NAA35: variants seen among roughly 807,000 people sequenced by gnomAD.
NAA35 encodes the protein N-alpha-acetyltransferase 35, NatC auxiliary subunit.
A neutral mutation model predicts 101.7 loss-of-function variants in NAA35; 18 were observed. The observed-to-expected ratio is 0.18, with a 90% confidence interval of 0.12 to 0.26. The LOEUF is 0.26. Among genes scored for constraint, NAA35 ranks in the 10% least tolerant of loss-of-function variants. The pLI is 1.00. For synonymous variants in NAA35, 267 were observed against 273.1 expected (o/e 0.98, Z 0.22); for missense variants, 601 against 886.8 (o/e 0.68, Z 4.09).
intron 6 of NAA35, among the ~76,000 whole-genome samples, chr9:85,968,953 T>G (rs1829879112): frequency 6.6e-6 from 1 of 152,224 alleles, no homozygotes; most frequent in African/African-American, 2.4e-5. Flanking sequence ...CTTAGTTTTC[T>G]ATGTACTTCT....
chr9:86,020,336 G>T (rs1832463809), intron 21 of NAA35, among the ~76,000 whole-genome samples: 1 of 152,128 alleles, frequency 6.6e-6, no homozygotes, highest in South Asian at 2.1e-4. Context: ...AGATGAGTCT[G>T]TGCTCCTAAT....
chr9:86,022,255 A>T lies in NAA35; in HGVS notation c.*295A>T, dbSNP rs1832597462. ...CATTTTTTATGAATGATTGAGTGAA[A>T]ATAGTGTTTATAAAGGTTAATAAAT... On this transcript the variant is annotated 3_prime_UTR_variant, in exon 23 of 23. Coordinates refer to ENST00000361671, the MANE Select transcript of NAA35 (RefSeq NM_024635.4). The T allele has an allele frequency of 4.1e-6, 1 of 245,792 alleles. No homozygotes were observed. The allele number at this position is 245,792 out of a possible 1,614,324, so 15.2% of individuals were successfully genotyped here.
chr9:86,014,296 G>GAGC (rs1832094336), intron 17 of NAA35: 2 of 664,992 alleles, frequency 3.0e-6, no homozygotes, highest in Admixed American at 1.3e-4. Context: ...TGATCACTGG[G>GAGC]AGCATAACTG....
At chr9:85,941,420 C>G in intron 1 of NAA35, 147 bp downstream of exon 1, 1 of 985,350 alleles carries the variant, frequency 1.0e-6, no homozygotes, top group Non-Finnish European at 1.2e-6. Flanking sequence ...GAGCGGCGGG[C>G]TCCCCAGTGC....
At chr9:85,951,107 C>T (rs555180712) in intron 2 of NAA35, among the ~76,000 whole-genome samples, 109 of 148,858 alleles carry the variant, frequency 7.3e-4, no homozygotes, top group Non-Finnish European at 1.2e-3. Flanking sequence ...CACTGCACTC[C>T]AGCCGGGGCG....
chr9:85,989,612 A>G (rs555706337), intron 11 of NAA35, among the ~76,000 whole-genome samples: 2 of 152,232 alleles, frequency 1.3e-5, no homozygotes, highest in African/African-American at 4.8e-5. Flanking sequence ...ATATTTTTCC[A>G]AAGACCTTTT....
At chr9:85,980,853 G>C (rs2118092069) in intron 11 of NAA35, among the ~76,000 whole-genome samples, 1 of 152,078 alleles carries the variant, frequency 6.6e-6, no homozygotes, top group South Asian at 2.1e-4. Context: ...CAACGACTTG[G>C]CCATTCCAGT....
chr9:85,951,461 G>C (rs1320279325), intron 2 of NAA35, among the ~76,000 whole-genome samples: 1 of 152,190 alleles, frequency 6.6e-6, no homozygotes, highest in Non-Finnish European at 1.5e-5. Context: ...ACAGGTGGTA[G>C]TTTCTTAAAG....
rs370682156 is a variant in NAA35, at chr9:86,016,683, G to C, written c.1705+8G>C. The C allele has an allele frequency of 6.2e-7, 1 of 1,608,036 alleles. No individual in the cohort carries two copies. The highest frequency in any genetic ancestry group is 1.3e-5 in the African/African-American group (1 of 74,710). On this transcript the variant is annotated splice_region_variant and intron_variant, in intron 18 of 22. Coordinates refer to ENST00000361671, the MANE Select transcript of NAA35 (RefSeq NM_024635.4). The stretch of plus-strand genomic sequence containing the variant: ...CAAAGAAAAAAAAGAAAGGTGCTGT[G>C]GATTATTTTTAAACTTAAGAACAGA...
At chr9:85,982,823 CAGGGAA>C (rs1184802392) in intron 11 of NAA35, among the ~76,000 whole-genome samples, 1 of 151,956 alleles carries the variant, frequency 6.6e-6, no homozygotes, top group Non-Finnish European at 1.5e-5. Flanking sequence ...ATGAAAAAGA[CAGGGAA>C]AGGAGAAAAT....
intron 11 of NAA35, among the ~76,000 whole-genome samples, chr9:85,982,445 AATG>A: frequency 6.6e-6 from 1 of 152,188 alleles, no homozygotes; most frequent in Admixed American, 6.6e-5. Context: ...CATCCTTTAA[AATG>A]ATGTTCACAT....
chr9:85,969,050 T>G (rs1345714180), intron 6 of NAA35, among the ~76,000 whole-genome samples: 5 of 152,186 alleles, frequency 3.3e-5, no homozygotes, highest in Non-Finnish European at 7.3e-5. Flanking sequence ...TCTTGAAGTC[T>G]TGTTCTCCAG....
intron 2 of NAA35, among the ~76,000 whole-genome samples, chr9:85,951,689 T>C (rs1829024964): frequency 1.3e-5 from 2 of 152,206 alleles, no homozygotes; most frequent in African/African-American, 4.8e-5. Flanking sequence ...ATAGTCTTGC[T>C]CTGTCACCCA....
chr9:85,988,687 T>C (rs1293242010), intron 11 of NAA35, among the ~76,000 whole-genome samples: 1 of 151,904 alleles, frequency 6.6e-6, no homozygotes, highest in East Asian at 1.9e-4. Context: ...TCCCAGCTAC[T>C]CAGGAGGCTG....
chr9:85,945,317 T>A (rs1424786373), intron 2 of NAA35, among the ~76,000 whole-genome samples: 1 of 152,208 alleles, frequency 6.6e-6, no homozygotes, highest in Non-Finnish European at 1.5e-5. Flanking sequence ...ATATGTAGAT[T>A]TAGGACTAAA....
At chr9:86,017,588 C>A (rs2118490312) in intron 19 of NAA35, 23 bp downstream of exon 19, 2 of 1,599,878 alleles carry the variant, frequency 1.3e-6, no homozygotes, top group South Asian at 1.1e-5. Flanking sequence ...AAGTGAAGTT[C>A]TTTTTGCCTT....
chr9:86,015,429 C>T (rs1832161049), intron 17 of NAA35, among the ~76,000 whole-genome samples: 1 of 152,060 alleles, frequency 6.6e-6, no homozygotes, highest in South Asian at 2.1e-4. Context: ...GTCCCTGAAG[C>T]ATGTGGACTC....
chr9:85,955,469 TCTCCTGC>T (rs1829231912), intron 2 of NAA35, among the ~76,000 whole-genome samples: 1 of 148,844 alleles, frequency 6.7e-6, no homozygotes, highest in South Asian at 2.2e-4. Context: ...TTCACGCCAT[TCTCCTGC>T]CTCAGCCTCC....
At chr9:85,941,566 G>A (rs1486248898) in intron 1 of NAA35, 1 of 985,794 alleles carries the variant, frequency 1.0e-6, no homozygotes, top group African/African-American at 1.7e-5. Context: ...GGGCTGGGCT[G>A]ACCCGGGCAG....
Sources: allele counts gnomAD v4.1 joint callset (sites outside exome capture counted in the v4.1 genomes callset), GRCh38; gene constraint gnomAD v4.1.1; transcripts MANE v1.5; gene names NCBI Gene and HGNC (gene_info 2026-07-23, HGNC 2026-07-21).